The following CEP120 variants were observed in gnomAD, a reference collection of about 807,000 sequenced individuals.
CEP120 encodes centrosomal protein of 120 kDa.
In CEP120, 113 loss-of-function variants were observed where a neutral mutation model predicts 126.5. The ratio of observed to expected loss-of-function variants is 0.89; its 90% confidence interval spans 0.77 to 1.04. The LOEUF (loss-of-function observed/expected upper bound fraction) is 1.04, where lower values mean the gene tolerates loss of function less well. CEP120 is among the 50% of genes least tolerant of loss of function. The probability of loss-of-function intolerance (pLI) is 0.00; values close to 1 mark genes in which losing one functional copy is unlikely to be tolerated. For missense variants in CEP120, 1,230 were observed against 1,155.7 expected (o/e 1.06, Z -0.93); for synonymous variants, 400 against 394.3 (o/e 1.01, Z -0.17).
chr5:123,379,999 A>G (rs933221606), intron 14 of CEP120, among the ~76,000 whole-genome samples: 4 of 152,124 alleles, frequency 2.6e-5, no homozygotes, highest in Admixed American at 1.3e-4. Context: ...AAGACAGAGT[A>G]TATCTCAGTT....
At position 123,407,361 on chromosome 5, in the gene CEP120, A is replaced by G. The variant is rs530662575; in HGVS notation, c.463+5038T>C. Among the ~76,000 whole-genome samples the G allele has an allele frequency of 2.0e-5, 3 of 152,286 alleles. No homozygotes were observed. In the South Asian group the frequency reaches 6.2e-4, roughly 32 times the overall value. On this transcript the variant is annotated intron_variant, in intron 4 of 19. Transcript: ENST00000306467. ...AAGATCCAACTATATGTTGTTATCT[A>G]TAAGAAACCCACTTTAAATATAAAA...
Position 123,377,389 on chromosome 5 carries a change from G to C in CEP120, c.2343C>G (p.His781Gln), listed in dbSNP as rs1771308682. The C allele has an allele frequency of 8.1e-6, 13 of 1,608,804 alleles. No homozygotes were observed. Among genetic ancestry groups the C allele is most frequent in the Non-Finnish European group, 1.1e-5 (13 of 1,178,508 alleles). The change falls in exon 16 of 20, where the codon CAC becomes CAG. Residue 781 changes from histidine (H) to glutamine (Q), a missense_variant. Transcript: ENST00000306467. Reference sequence around the variant, plus strand: ...GTTATCCAACCTGTTGCTGAAGGCGGTGTTTATCCTCTTCGAGCTGTTTGA... The same window carrying C: ...GTTATCCAACCTGTTGCTGAAGGCGCTGTTTATCCTCTTCGAGCTGTTTGA... ...LKIKQLEEDK[H>Q]RLQQQLNDAE...
At chr5:123,399,910 G>A (rs1222257482) in intron 4 of CEP120, among the ~76,000 whole-genome samples, 1 of 152,172 alleles carries the variant, frequency 6.6e-6, no homozygotes, top group African/African-American at 2.4e-5. Flanking sequence ...GCTTTAGTAT[G>A]AGGAGACTGA....
At chr5:123,353,772 T>C (rs2126974939) in intron 18 of CEP120, among the ~76,000 whole-genome samples, 2 of 152,142 alleles carry the variant, frequency 1.3e-5, no homozygotes, top group East Asian at 3.9e-4. Flanking sequence ...CTTATCTCTG[T>C]AAATGTCTTT....
intron 19 of CEP120, 117 bp from the exon 20 acceptor site, chr5:123,346,870 A>G: frequency 1.3e-6 from 1 of 755,122 alleles, no homozygotes; most frequent in Non-Finnish European, 2.0e-6. Context: ...TTCAGGAAGA[A>G]AACAAACCAA....
chr5:123,359,076 G>C (rs1305597095), intron 18 of CEP120, among the ~76,000 whole-genome samples: 2 of 152,134 alleles, frequency 1.3e-5, no homozygotes, highest in Non-Finnish European at 2.9e-5. Flanking sequence ...TCCCATGCTT[G>C]GCTAAATTAC....
intron 4 of CEP120, among the ~76,000 whole-genome samples, chr5:123,405,912 T>A (rs1248736831): frequency 6.6e-6 from 1 of 152,032 alleles, no homozygotes; most frequent in Non-Finnish European, 1.5e-5. Context: ...AGAAAAAATT[T>A]TTAACTATGA....
intron 1 of CEP120, among the ~76,000 whole-genome samples, chr5:123,419,333 T>C (rs1774569378): frequency 6.6e-6 from 1 of 152,168 alleles, no homozygotes; most frequent in African/African-American, 2.4e-5. Context: ...CAGCTTAATT[T>C]TTCTGTTAAC....
chr5:123,413,783 G>T (rs190644240), intron 3 of CEP120, among the ~76,000 whole-genome samples: 25 of 152,210 alleles, frequency 1.6e-4, no homozygotes, highest in Admixed American at 8.5e-4. Context: ...AGATAAAAAT[G>T]CATAATACAG....
At chr5:123,391,447 GC>G in intron 6 of CEP120, 110 bp from the exon 7 acceptor site, 1 of 774,422 alleles carries the variant, frequency 1.3e-6, no homozygotes, top group Non-Finnish European at 2.1e-6. Flanking sequence ...AAAATATTAT[GC>G]AGGTTATACC....
chr5:123,393,424 T>C lies in CEP120; in HGVS notation c.686A>G (p.Asp229Gly). 6.2e-7 allele frequency: 1 copy of C among 1,614,130 alleles called. No individual in the cohort carries two copies. Among genetic ancestry groups the C allele is most frequent in the South Asian group, 1.1e-5 (1 of 91,078 alleles). Reference sequence around the variant, plus strand: ...ATCATTGAAGGGTTCATTTGTAACATCATTTCCCAGTAAAGAGTAGTAAAA... The same window carrying C: ...ATCATTGAAGGGTTCATTTGTAACACCATTTCCCAGTAAAGAGTAGTAAAA... ...FFFYYSLLGN[D>G]VTNEPFNDLI... Residue 229 changes from aspartate to glycine, a missense_variant, in exon 6 of 20, where the codon GAT becomes GGT. Physicochemically the swap from Asp to Gly is moderately conservative, Grantham distance 94 (BLOSUM62 -1). Coordinates refer to ENST00000306467, the MANE Select transcript of CEP120 (RefSeq NM_001375405.1).
At chr5:123,418,286 C>G in intron 2 of CEP120, 73 bp downstream of exon 2, 1 of 1,349,686 alleles carries the variant, frequency 7.4e-7, no homozygotes, top group South Asian at 1.6e-5. Flanking sequence ...ATTAAATACT[C>G]AAACTGTATT....
intron 4 of CEP120, among the ~76,000 whole-genome samples, chr5:123,400,160 G>C (rs1773080684): frequency 6.6e-6 from 1 of 152,174 alleles, no homozygotes. Flanking sequence ...TGTGCTTACA[G>C]TAGCAGTGGC....
At chr5:123,418,560 C>A in intron 1 of CEP120, 45 bp from the exon 2 acceptor site, 3 of 1,447,290 alleles carry the variant, frequency 2.1e-6, no homozygotes, top group Non-Finnish European at 2.8e-6. Context: ...GTACAAAAAT[C>A]AAACAGGATC....
intron 17 of CEP120, among the ~76,000 whole-genome samples, chr5:123,368,419 TACTA>T (rs1395528617): frequency 1.3e-5 from 2 of 151,972 alleles, no homozygotes; most frequent in Non-Finnish European, 2.9e-5. Context: ...AGAAATACTT[TACTA>T]CTTGGTTTTA....
rs1482499097 is a variant in CEP120, at chr5:123,409,990, A to ACC, written c.463+2408_463+2409insGG. 3.2e-3 allele frequency among the ~76,000 whole-genome samples: 316 copies of ACC among 99,656 alleles called. 1 individual carries two copies. The highest frequency in any genetic ancestry group is 0.014 in the East Asian group (42 of 3,094). 65.4% of individuals were successfully genotyped at this position (99,656 alleles called of 152,430 possible). A position where few individuals can be genotyped will look rare whatever the true frequency, so the allele number is the denominator to read the frequency against. On this transcript the variant is annotated intron_variant, in intron 4 of 19. Transcript: ENST00000306467. ...AACAAGCAAAAAAAAAAAAAAAAAAAACCACACACACACACACACACACAC... is the reference window on the plus strand; with the variant it reads ...AACAAGCAAAAAAAAAAAAAAAAAAACCACCACACACACACACACACACACAC...
At position 123,423,192 on chromosome 5, in the gene CEP120, C is replaced by G. The variant is rs1580754918; in HGVS notation, c.-194G>C. 6.6e-6 allele frequency: 4 copies of G among 603,340 alleles called. No homozygotes were observed. The East Asian group carries it at 1.1e-4, about 17-fold the overall frequency. 37.4% of individuals were successfully genotyped at this position (603,340 alleles called of 1,614,324 possible). A position where few individuals can be genotyped will look rare whatever the true frequency, so the allele number is the denominator to read the frequency against. On this transcript the variant is annotated 5_prime_UTR_variant, in exon 1 of 20. Transcript: ENST00000306467. ...GGCTCCTCTGCCTCGGGCCGCCAGC[C>G]CAGATCCTAACTGTGCCCCGACTCA...
chr5:123,399,014 C>A, intron 5 of CEP120, 122 bp downstream of exon 5: 1 of 622,172 alleles, frequency 1.6e-6, no homozygotes, highest in Non-Finnish European at 2.5e-6. Context: ...ATGTTTTGAA[C>A]TCATTTTTCA....
chr5:123,416,275 G>A lies in CEP120; in HGVS notation c.207-151C>T, dbSNP rs1774386695. ...GTCTAAAAAACTCTTCAACAGGCAAGAACTAGGCCAGGCGCAATGGCTCAC... is the reference window on the plus strand; with the variant it reads ...GTCTAAAAAACTCTTCAACAGGCAAAAACTAGGCCAGGCGCAATGGCTCAC... On this transcript the variant is annotated intron_variant, in intron 2 of 19. Coordinates refer to ENST00000306467, the MANE Select transcript of CEP120 (RefSeq NM_001375405.1). 5.2e-6 allele frequency: 3 copies of A among 579,092 alleles called. No individual in the cohort carries two copies. The African/African-American group carries it at 5.7e-5, about 11-fold the overall frequency. 35.9% of individuals were successfully genotyped at this position (579,092 alleles called of 1,614,324 possible).
Sources: allele counts gnomAD v4.1 joint callset (sites outside exome capture counted in the v4.1 genomes callset), GRCh38; gene constraint gnomAD v4.1.1; transcripts MANE v1.5; gene names NCBI Gene and HGNC (gene_info 2026-07-23, HGNC 2026-07-21).